MYOM2: variants seen among roughly 807,000 people sequenced by gnomAD.
MYOM2 encodes myomesin 2, also known as myomesin-2.
MYOM2 carries 254 observed loss-of-function variants against 187.6 expected under a neutral mutation model. The ratio of observed to expected loss-of-function variants is 1.35; its 90% confidence interval spans 1.22 to 1.50. The LOEUF is 1.50. MYOM2 is among the 40% of genes most tolerant of loss of function. The probability of loss-of-function intolerance (pLI) is 0.00; values close to 1 mark genes in which losing one functional copy is unlikely to be tolerated. For missense variants in MYOM2, 2,796 were observed against 1,924.0 expected, an observed-to-expected ratio of 1.45 and a Z score of -8.48; for synonymous variants, 981 against 753.8, an observed-to-expected ratio of 1.30 and a Z score of -4.94.
At chr8:2,122,201 G>GA (rs1797481534) in intron 28 of MYOM2, among the ~76,000 whole-genome samples, 3 of 152,200 alleles carry the variant, frequency 2.0e-5, no homozygotes, top group African/African-American at 7.2e-5. Context: ...AAAGTAAAGG[G>GA]AATCGTCTGC....
At position 2,123,646 on chromosome 8, in the gene MYOM2, A is replaced by G; in HGVS notation, c.3655+4A>G. 6.2e-7 allele frequency: 1 copy of G among 1,612,874 alleles called. No homozygotes were observed. The highest frequency in any genetic ancestry group is 8.5e-7 in the Non-Finnish European group (1 of 1,178,850). The stretch of plus-strand genomic sequence containing the variant: ...ATCCTTGAAATAGCTGGCAAAGGTA[A>G]AAGAAAACCTCCTTTGTTCTGTGAA... On this transcript the variant is annotated splice_donor_region_variant and intron_variant, in intron 30 of 36. Transcript: ENST00000262113.
chr8:2,110,504 T>C (rs1797033073), intron 25 of MYOM2, among the ~76,000 whole-genome samples: 1 of 152,234 alleles, frequency 6.6e-6, no homozygotes, highest in Admixed American at 6.5e-5. Context: ...ATAGCGTGCC[T>C]GGGACCCGGT....
chr8:2,103,160 G>A (rs1031813540), intron 21 of MYOM2, among the ~76,000 whole-genome samples: 8 of 151,462 alleles, frequency 5.3e-5, no homozygotes, highest in African/African-American at 7.3e-5. Context: ...GGGAGATTGC[G>A]CATGTATTGT....
intron 31 of MYOM2, among the ~76,000 whole-genome samples, chr8:2,127,142 G>A (rs944582877): frequency 2.6e-5 from 4 of 151,824 alleles, no homozygotes; most frequent in African/African-American, 4.8e-5. Flanking sequence ...GAGGGAAGGG[G>A]GGTCGGGTGG....
chr8:2,113,387 G>C (rs3779830), intron 25 of MYOM2, among the ~76,000 whole-genome samples: 21,169 of 152,240 alleles, frequency 0.14, 1,838 homozygotes, highest in Non-Finnish European at 0.2. Flanking sequence ...ACATCCCAAA[G>C]GCTGAGTGAG....
chr8:2,096,590 A>G (rs1796495403), intron 18 of MYOM2, among the ~76,000 whole-genome samples, 156 bp downstream of exon 18: 3 of 152,348 alleles, frequency 2.0e-5, no homozygotes, highest in South Asian at 4.1e-4. Context: ...GGAGCTAAAA[A>G]GATCCTAGGA....
In MYOM2 at chr8:2,116,124, T is replaced by G; in HGVS notation, c.3325+20T>G. On this transcript the variant is annotated intron_variant, in intron 26 of 36. Coordinates refer to ENST00000262113, the MANE Select transcript of MYOM2 (RefSeq NM_003970.4). ...GAGATGGTATGCTATATCGAATATT[T>G]CCACGTCCATACAAGATAATTCAAA... 1 of 1,540,164 alleles carries G rather than the reference T, an allele frequency of 6.5e-7. No homozygotes were observed. The highest frequency in any genetic ancestry group is 8.7e-7 in the Non-Finnish European group (1 of 1,153,778).
intron 31 of MYOM2, among the ~76,000 whole-genome samples, chr8:2,126,917 G>C (rs1797666474): frequency 6.8e-6 from 1 of 146,462 alleles, no homozygotes; most frequent in South Asian, 2.2e-4. Flanking sequence ...GGGAGCACTG[G>C]GGGAGGCAGA....
rs1465156802 is a variant in MYOM2 at position 2,105,752 on chromosome 8, C to A, written c.2735-490C>A. ...CTAAAGTGTTTTCTCTCTCACGATT[C>A]TCTCATCAGTCCTGGGTCATTAAAT... On this transcript the variant is annotated intron_variant, in intron 21 of 36. Coordinates refer to ENST00000262113, the MANE Select transcript of MYOM2 (RefSeq NM_003970.4). 2.6e-5 allele frequency among the ~76,000 whole-genome samples: 4 copies of A among 152,222 alleles called. No individual in the cohort carries two copies. In the East Asian group the frequency reaches 7.7e-4, roughly 29 times the overall value.
chr8:2,072,495 A>C lies in MYOM2; in HGVS notation c.944A>C (p.Glu315Ala). ...PDLKRVQPRAEWYRDDVLLKE... is the reference protein window; with the variant it reads ...PDLKRVQPRAAWYRDDVLLKE... Reference sequence around the variant, plus strand: ...CTGAAGCGGGTGCAGCCGCGCGCCGAGTGGTACCGCGATGGTGAGTAGGAC... The same window carrying C: ...CTGAAGCGGGTGCAGCCGCGCGCCGCGTGGTACCGCGATGGTGAGTAGGAC... The change falls in exon 9 of 37, where the codon GAG becomes GCG. Residue 315 changes from glutamate (E) to alanine (A), a missense_variant. Transcript: ENST00000262113. 1 of 1,613,464 alleles carries C rather than the reference A, an allele frequency of 6.2e-7. No homozygotes were observed. Among genetic ancestry groups the C allele is most frequent in the Non-Finnish European group, 8.5e-7 (1 of 1,180,018 alleles).
Position 2,069,431 on chromosome 8 carries a change from C to T in MYOM2, c.743-16C>T, listed in dbSNP as rs200051148. 3.4e-4 allele frequency: 555 copies of T among 1,614,216 alleles called. 5 individuals carry two copies. In the South Asian group the frequency reaches 5.8e-3, roughly 17 times the overall value. ...CCTTTTCTCTTTTCTGCTGCACTCA[C>T]TTTGCTGTCTTGCAGGGTTCCGGGG... On this transcript the variant is annotated splice_polypyrimidine_tract_variant and intron_variant, in intron 7 of 36. Coordinates refer to ENST00000262113, the MANE Select transcript of MYOM2 (RefSeq NM_003970.4).
intron 5 of MYOM2, among the ~76,000 whole-genome samples, 195 bp from the exon 6 acceptor site, chr8:2,058,958 A>G (rs148103435): frequency 3.3e-5 from 5 of 152,356 alleles, no homozygotes; most frequent in African/African-American, 1.2e-4. Flanking sequence ...GAACGAGGAA[A>G]GCGCTGCTCT....
intron 14 of MYOM2, among the ~76,000 whole-genome samples, chr8:2,086,342 T>C (rs1270383069): frequency 0.21 from 1,680 of 8,074 alleles, 499 homozygotes; most frequent in Admixed American, 0.32. Flanking sequence ...CCCCCACTGT[T>C]GTGATCTCTG....
intron 27 of MYOM2, 74 bp from the exon 28 acceptor site, chr8:2,117,811 A>C: frequency 1.1e-6 from 1 of 950,438 alleles, no homozygotes; most frequent in Non-Finnish European, 1.6e-6. Flanking sequence ...GTGGGTATAT[A>C]TATATAATAG....
intron 13 of MYOM2, 97 bp from the exon 14 acceptor site, chr8:2,085,166 C>A: frequency 4.1e-6 from 6 of 1,458,224 alleles, no homozygotes; most frequent in Non-Finnish European, 5.6e-6. Context: ...AAAACAAGTT[C>A]AACACCCACG....
chr8:2,089,724 T>C (rs1168263916), intron 14 of MYOM2, among the ~76,000 whole-genome samples: 3 of 152,248 alleles, frequency 2.0e-5, no homozygotes, highest in Admixed American at 6.5e-5. Context: ...CTACTACCTA[T>C]GTATTGATTC....
intron 6 of MYOM2, among the ~76,000 whole-genome samples, chr8:2,059,930 C>T (rs539150063): frequency 6.6e-5 from 10 of 152,056 alleles, no homozygotes; most frequent in African/African-American, 2.2e-4. Context: ...TTAGTAGAGA[C>T]GGGGTTTCAC....
intron 5 of MYOM2, among the ~76,000 whole-genome samples, chr8:2,058,450 G>A (rs545968486): frequency 4.6e-5 from 7 of 152,222 alleles, no homozygotes; most frequent in Non-Finnish European, 1.0e-4. Flanking sequence ...CTCATAAGTG[G>A]AAAGCATAAA....
chr8:2,052,864 G>A (rs1818538983), intron 3 of MYOM2, among the ~76,000 whole-genome samples: 1 of 152,230 alleles, frequency 6.6e-6, no homozygotes. Flanking sequence ...GAGTTGGGAA[G>A]GGATTCTATA....
Sources: allele counts gnomAD v4.1 joint callset (sites outside exome capture counted in the v4.1 genomes callset), GRCh38; gene constraint gnomAD v4.1.1; transcripts MANE v1.5; gene names NCBI Gene and HGNC (gene_info 2026-07-23, HGNC 2026-07-21).